The following SDCCAG8 variants were observed in gnomAD, a reference collection of about 807,000 sequenced individuals.
SDCCAG8 encodes the protein SHH signaling and ciliogenesis regulator SDCCAG8.
A neutral mutation model predicts 101.8 loss-of-function variants in SDCCAG8; 74 were observed. The ratio of observed to expected loss-of-function variants is 0.73; its 90% CI spans 0.60 to 0.88. SDCCAG8 has a LOEUF of 0.88. Among genes scored for constraint, SDCCAG8 ranks in the 40% least tolerant of loss-of-function variants. The pLI is 0.00. For missense variants in SDCCAG8, 787 were observed against 822.6 expected (o/e 0.96, Z 0.53); for synonymous variants, 281 against 292.9 (o/e 0.96, Z 0.41).
At chr1:243,412,638 T>G (rs2148005410) in intron 13 of SDCCAG8, among the ~76,000 whole-genome samples, 1 of 152,160 alleles carries the variant, frequency 6.6e-6, no homozygotes, top group African/African-American at 2.4e-5. Context: ...AGTATTAGTT[T>G]TAGTGTATTT....
At chr1:243,392,111 T>C (rs1227243953) in intron 13 of SDCCAG8, among the ~76,000 whole-genome samples, 3 of 152,248 alleles carry the variant, frequency 2.0e-5, no homozygotes, top group Non-Finnish European at 4.4e-5. Context: ...TGAGGATATA[T>C]ATGAGTATGC....
At chr1:243,456,005 G>A (rs905907692) in intron 16 of SDCCAG8, among the ~76,000 whole-genome samples, 1 of 152,222 alleles carries the variant, frequency 6.6e-6, no homozygotes, top group African/African-American at 2.4e-5. Flanking sequence ...TGTTGCAGGA[G>A]CAAGGACTGT....
intron 9 of SDCCAG8, among the ~76,000 whole-genome samples, chr1:243,324,059 C>T (rs767413701): frequency 6.6e-6 from 1 of 152,116 alleles, no homozygotes; most frequent in African/African-American, 2.4e-5. Flanking sequence ...CAAATATTAC[C>T]AGTGAATACA....
chr1:243,429,935 T>C (rs1039091197), intron 16 of SDCCAG8, among the ~76,000 whole-genome samples: 1 of 152,036 alleles, frequency 6.6e-6, no homozygotes, highest in African/African-American at 2.4e-5. Flanking sequence ...ACTCCTGACC[T>C]GAGGTGATCC....
At position 243,329,083 on chromosome 1, in the gene SDCCAG8, C is replaced by CATTCAT. The variant is rs550272988; in HGVS notation, c.1069-1456_1069-1455insTTCATA. Among the ~76,000 whole-genome samples, 999 of 152,266 alleles carry CATTCAT rather than the reference C, an allele frequency of 6.6e-3. 7 individuals are homozygous for CATTCAT. The highest frequency in any genetic ancestry group is 0.023 in the African/African-American group (953 of 41,560). ...ACAAGAGCAATTACATTTTGAATCA[C>CATTCAT]AAAAGTAACTCATTCATATTTCAAG... On this transcript the variant is annotated intron_variant, in intron 9 of 17. Coordinates refer to ENST00000366541, the MANE Select transcript of SDCCAG8 (RefSeq NM_006642.5).
At chr1:243,406,302 G>A (rs889300635) in intron 13 of SDCCAG8, among the ~76,000 whole-genome samples, 2 of 152,128 alleles carry the variant, frequency 1.3e-5, no homozygotes, top group Non-Finnish European at 2.9e-5. Context: ...ATACAGTAGT[G>A]CTTTACTATC....
intron 1 of SDCCAG8, among the ~76,000 whole-genome samples, chr1:243,264,099 G>C (rs936176742): frequency 6.6e-6 from 1 of 152,136 alleles, no homozygotes; most frequent in Non-Finnish European, 1.5e-5. Context: ...TGGGCGCTTC[G>C]CAGGGAGTGG....
chr1:243,459,335 A>G (rs976238670), intron 16 of SDCCAG8, among the ~76,000 whole-genome samples: 3 of 152,194 alleles, frequency 2.0e-5, no homozygotes, highest in Admixed American at 6.5e-5. Flanking sequence ...GCTCTCACTG[A>G]AAGTTCATAG....
At chr1:243,400,470 A>G (rs2079309987) in intron 13 of SDCCAG8, among the ~76,000 whole-genome samples, 1 of 152,160 alleles carries the variant, frequency 6.6e-6, no homozygotes, top group Non-Finnish European at 1.5e-5. Context: ...GAACACACAC[A>G]GTTCATGGAA....
intron 16 of SDCCAG8, chr1:243,476,485 A>C: frequency 6.2e-6 from 3 of 481,306 alleles, no homozygotes; most frequent in Non-Finnish European, 8.1e-6. Flanking sequence ...ATTGAGGAAG[A>C]CCTCACCACA....
intron 16 of SDCCAG8, among the ~76,000 whole-genome samples, chr1:243,480,973 G>T (rs989089051): frequency 1.1e-4 from 16 of 151,940 alleles, no homozygotes; most frequent in Non-Finnish European, 1.6e-4. Flanking sequence ...GAGCTGTGGG[G>T]ATGGTGACTA....
At chr1:243,322,901 C>G (rs1158451791) in intron 9 of SDCCAG8, among the ~76,000 whole-genome samples, 1 of 151,944 alleles carries the variant, frequency 6.6e-6, no homozygotes, top group Admixed American at 6.6e-5. Flanking sequence ...CTTTGGGAGG[C>G]TGAGGCAGGC....
chr1:243,421,943 G>T (rs558857516), intron 15 of SDCCAG8, among the ~76,000 whole-genome samples: 1 of 152,280 alleles, frequency 6.6e-6, no homozygotes, highest in Non-Finnish European at 1.5e-5. Flanking sequence ...AGATGAATCA[G>T]CAGTAAAACG....
In SDCCAG8 at chr1:243,426,427, A is replaced by G. The variant is rs771976516; in HGVS notation, c.1854A>G (p.Arg618=). 3 of 1,612,906 alleles carry G rather than the reference A, an allele frequency of 1.9e-6. No individual in the cohort carries two copies. In the African/African-American group the frequency reaches 4.0e-5, roughly 22 times the overall value. Residue 618 remains arginine (R), a splice_region_variant and synonymous_variant, in exon 16 of 18, where the codon AGA becomes AGG. Transcript: ENST00000366541. ...ATTATTTTTGTGTTTTCACCTCTAG[A>G]TCTGAAATAGCTCAACTCAGTCAAG... ...KKLEQISQKT[R]SEIAQLSQEK...
chr1:243,364,528 G>A (rs2076888103), intron 12 of SDCCAG8, among the ~76,000 whole-genome samples: 1 of 152,174 alleles, frequency 6.6e-6, no homozygotes, highest in African/African-American at 2.4e-5. Context: ...GTAGAGAGAG[G>A]TGACCTCAGC....
At chr1:243,286,472 G>A (rs551943112) in intron 5 of SDCCAG8, 75 bp downstream of exon 5, 25 of 1,513,256 alleles carry the variant, frequency 1.7e-5, no homozygotes, top group Middle Eastern at 3.4e-4. Flanking sequence ...CGCCTTCTTC[G>A]CTGCTTAGAT....
chr1:243,385,994 A>G (rs111537746), intron 13 of SDCCAG8, among the ~76,000 whole-genome samples: 1,544 of 152,274 alleles, frequency 0.01, 22 homozygotes, highest in African/African-American at 0.033. Context: ...CAACAACAAT[A>G]TATTCGTCTT....
intron 16 of SDCCAG8, among the ~76,000 whole-genome samples, chr1:243,484,426 G>T (rs1334682767): frequency 6.6e-6 from 1 of 152,238 alleles, no homozygotes; most frequent in Non-Finnish European, 1.5e-5. Context: ...CATGTTGTCT[G>T]TGCCTCAGTT....
chr1:243,485,823 C>T (rs557622522), intron 16 of SDCCAG8, among the ~76,000 whole-genome samples: 11 of 151,274 alleles, frequency 7.3e-5, no homozygotes, highest in African/African-American at 2.2e-4. Flanking sequence ...ACCCAGGAGG[C>T]GGAGGTTGCA....
Sources: gnomAD v4.1 joint callset for allele counts (sites outside exome capture counted in the v4.1 genomes callset) on GRCh38, gnomAD v4.1.1 for gene constraint, MANE v1.5 for transcripts, NCBI Gene and HGNC (gene_info 2026-07-23, HGNC 2026-07-21) for gene names.